Variants in KCNQ5 observed in about 807,000 individuals in gnomAD.
KCNQ5 encodes potassium voltage-gated channel subfamily Q member 5.
A neutral mutation model predicts 98.2 loss-of-function variants in KCNQ5; 30 were observed. That is an observed-to-expected ratio of 0.31 (90% CI 0.23 to 0.41). The LOEUF (loss-of-function observed/expected upper bound fraction) is 0.41, where lower values mean the gene tolerates loss of function less well. Among genes scored for constraint, KCNQ5 ranks in the 10% least tolerant of loss-of-function variants. The probability of loss-of-function intolerance (pLI) is 1.00; values close to 1 mark genes in which losing one functional copy is unlikely to be tolerated. For synonymous variants in KCNQ5, 458 were observed against 449.4 expected, an observed-to-expected ratio of 1.02 and a Z score of -0.24; for missense variants, 835 against 1,182.5, an observed-to-expected ratio of 0.71 and a Z score of 4.31.
intron 10 of KCNQ5, chr6:73,158,157 G>A: frequency 2.8e-6 from 1 of 351,202 alleles, no homozygotes; most frequent in Non-Finnish European, 5.5e-6. Flanking sequence ...GGGAGGGGGC[G>A]GGGCGGCGGG....
At chr6:72,672,512 C>G (rs1255678673) in intron 1 of KCNQ5, among the ~76,000 whole-genome samples, 1 of 152,184 alleles carries the variant, frequency 6.6e-6, no homozygotes, top group Non-Finnish European at 1.5e-5. Context: ...AAGTAGACAG[C>G]CTAGTGTTTT....
intron 10 of KCNQ5, among the ~76,000 whole-genome samples, chr6:73,169,508 T>C (rs1255445858): frequency 6.6e-6 from 1 of 152,202 alleles, no homozygotes; most frequent in East Asian, 1.9e-4. Context: ...AGATAATGTG[T>C]CGATAGCTTC....
At chr6:72,804,605 T>C (rs949065877) in intron 1 of KCNQ5, among the ~76,000 whole-genome samples, 1 of 152,176 alleles carries the variant, frequency 6.6e-6, no homozygotes, top group Admixed American at 6.6e-5. Context: ...TTGGCTGTTA[T>C]GAATAGTGTG....
At chr6:73,037,441 A>G (rs1330801183) in intron 2 of KCNQ5, among the ~76,000 whole-genome samples, 2 of 152,176 alleles carry the variant, frequency 1.3e-5, no homozygotes, top group Non-Finnish European at 2.9e-5. Context: ...CTCTTTGCTT[A>G]GTCCAAATCC....
intron 1 of KCNQ5, among the ~76,000 whole-genome samples, chr6:72,929,643 A>G (rs939703395): frequency 6.6e-6 from 1 of 152,178 alleles, no homozygotes; most frequent in Non-Finnish European, 1.5e-5. Flanking sequence ...CATAAAGTAC[A>G]ATGGAGTACA....
At chr6:73,108,894 A>C (rs1468732837) in intron 6 of KCNQ5, among the ~76,000 whole-genome samples, 2 of 152,238 alleles carry the variant, frequency 1.3e-5, no homozygotes, top group Non-Finnish European at 2.9e-5. Context: ...TGTGGGTTAC[A>C]AATTAGGTTC....
At chr6:72,764,907 A>G (rs560860499) in intron 1 of KCNQ5, among the ~76,000 whole-genome samples, 6 of 152,140 alleles carry the variant, frequency 3.9e-5, no homozygotes, top group Non-Finnish European at 7.4e-5. Context: ...TTCACTTCAC[A>G]TAATGATCTC....
chr6:72,694,475 T>C (rs1443121967), intron 1 of KCNQ5, among the ~76,000 whole-genome samples: 1 of 152,150 alleles, frequency 6.6e-6, no homozygotes, highest in Non-Finnish European at 1.5e-5. Context: ...AGAAAAAACA[T>C]TGGCCTGGGT....
intron 1 of KCNQ5, among the ~76,000 whole-genome samples, chr6:72,983,379 C>T (rs1768570931): frequency 6.6e-6 from 1 of 152,118 alleles, no homozygotes; most frequent in Admixed American, 6.5e-5. Context: ...TCTTTTTACT[C>T]TTTTTTCTCT....
chr6:72,931,431 C>T (rs943574301), intron 1 of KCNQ5, among the ~76,000 whole-genome samples: 1 of 152,004 alleles, frequency 6.6e-6, no homozygotes, highest in South Asian at 2.1e-4. Flanking sequence ...CATACATTAG[C>T]CTCTGAGCCC....
intron 10 of KCNQ5, chr6:73,157,686 C>T (rs930968393): frequency 1.3e-6 from 1 of 776,004 alleles, no homozygotes; most frequent in Non-Finnish European, 2.4e-6. Context: ...GGGCCCAGGC[C>T]TCTGGGCATG....
At chr6:73,065,240 G>A (rs148528969) in intron 3 of KCNQ5, among the ~76,000 whole-genome samples, 30 of 152,160 alleles carry the variant, frequency 2.0e-4, no homozygotes, top group African/African-American at 6.3e-4. Context: ...TTAGTAAATA[G>A]CACTTTATTC....
chr6:72,673,054 TAG>T (rs1767217831), intron 1 of KCNQ5, among the ~76,000 whole-genome samples: 2 of 152,170 alleles, frequency 1.3e-5, no homozygotes, highest in Non-Finnish European at 2.9e-5. Context: ...AACTTTCCAG[TAG>T]TGAGGTTACT....
intron 1 of KCNQ5, among the ~76,000 whole-genome samples, chr6:72,780,644 T>TG (rs1236471795): frequency 2.0e-5 from 3 of 151,964 alleles, no homozygotes; most frequent in Non-Finnish European, 2.9e-5. Flanking sequence ...GTGGAAGACT[T>TG]GGGGGGAGAT....
At chr6:72,880,970 A>G (rs1778613801) in intron 1 of KCNQ5, among the ~76,000 whole-genome samples, 1 of 152,222 alleles carries the variant, frequency 6.6e-6, no homozygotes, top group Non-Finnish European at 1.5e-5. Flanking sequence ...TCCAAGATTG[A>G]TGGAGCAGAG....
At chr6:73,031,854 A>T (rs1771164752) in intron 2 of KCNQ5, among the ~76,000 whole-genome samples, 1 of 152,240 alleles carries the variant, frequency 6.6e-6, no homozygotes. Flanking sequence ...AGAAGGAAGA[A>T]GCAGATTTTC....
chr6:72,915,923 A>T (rs1372498476), intron 1 of KCNQ5, among the ~76,000 whole-genome samples: 3 of 152,306 alleles, frequency 2.0e-5, no homozygotes, highest in East Asian at 3.9e-4. Context: ...TAAAAATCAT[A>T]ATCAGTACCA....
chr6:72,814,529 C>T (rs762943952), intron 1 of KCNQ5, among the ~76,000 whole-genome samples: 6 of 152,202 alleles, frequency 3.9e-5, no homozygotes, highest in Non-Finnish European at 5.9e-5. Flanking sequence ...ATTTTTGCAT[C>T]ATATGTCTTT....
intron 9 of KCNQ5, among the ~76,000 whole-genome samples, chr6:73,125,821 T>C (rs370826854): frequency 1.2e-5 from 1 of 83,364 alleles, no homozygotes; most frequent in African/African-American, 4.8e-5. Context: ...GTTCTTTCTC[T>C]TATTTGGTAG....
Sources: gnomAD v4.1 joint callset for allele counts (sites outside exome capture counted in the v4.1 genomes callset) on GRCh38, gnomAD v4.1.1 for gene constraint, MANE v1.5 for transcripts, NCBI Gene and HGNC (gene_info 2026-07-23, HGNC 2026-07-21) for gene names.